The following PECAM1 variants were observed in gnomAD, a reference collection of about 807,000 sequenced individuals.
The protein encoded by PECAM1 is platelet endothelial cell adhesion molecule.
A neutral mutation model predicts 13.8 loss-of-function variants in PECAM1; 8 were observed. That is an observed-to-expected ratio of 0.58 (90% CI 0.34 to 1.05). PECAM1 has a LOEUF of 1.05. Among genes scored for constraint, PECAM1 ranks in the 50% least tolerant of loss-of-function variants. The pLI, the probability that PECAM1 is intolerant of heterozygous loss-of-function variation, is 0.03. For missense variants in PECAM1, 304 were observed against 141.2 expected (o/e 2.15, Z -5.84); for synonymous variants, 136 against 52.6 (o/e 2.58, Z -6.86).
At chr17:64,342,631 T>G (rs2143737713) in intron 13 of PECAM1, among the ~76,000 whole-genome samples, 1 of 152,116 alleles carries the variant, frequency 6.6e-6, no homozygotes, top group South Asian at 2.1e-4. Flanking sequence ...TAGGATCTCC[T>G]CAGGGGCCCT....
intron 14 of PECAM1, among the ~76,000 whole-genome samples, chr17:64,339,947 C>T (rs2035382645): frequency 6.6e-6 from 1 of 152,050 alleles, no homozygotes. Context: ...CTCAGGAATT[C>T]AAGACCAGTC....
At chr17:64,327,797 T>C (rs1363925542) in intron 15 of PECAM1, among the ~76,000 whole-genome samples, 1 of 152,224 alleles carries the variant, frequency 6.6e-6, no homozygotes, top group Non-Finnish European at 1.5e-5. Context: ...ATTGTTAAGA[T>C]ATTTCCTCCA....
intron 13 of PECAM1, among the ~76,000 whole-genome samples, chr17:64,347,877 TGC>T (rs2035619132): frequency 6.6e-6 from 1 of 151,142 alleles, no homozygotes; most frequent in Non-Finnish European, 1.5e-5. Flanking sequence ...ATTACAGGTG[TGC>T]GCCACCAGAG....
At position 64,377,570 on chromosome 17, in the gene PECAM1, C is replaced by T. The variant is rs1415163659; in HGVS notation, c.385+254G>A. Reference sequence around the variant, plus strand: ...AGGTTGCAGTGAGCCGAGATCACACCACTGCACTCCAGACTGGGTGACAGA... The same window carrying T: ...AGGTTGCAGTGAGCCGAGATCACACTACTGCACTCCAGACTGGGTGACAGA... On this transcript the variant is annotated intron_variant, in intron 3 of 15. Transcript: ENST00000563924. 5 of 156,268 alleles carry T rather than the reference C, an allele frequency of 3.2e-5. No homozygotes were observed. In the East Asian group the frequency reaches 6.4e-4, roughly 20 times the overall value. The allele number at this position is 156,268 out of a possible 1,614,324, so 9.7% of individuals were successfully genotyped here. A position where few individuals can be genotyped will look rare whatever the true frequency, so the allele number is the denominator to read the frequency against.
At chr17:64,341,734 C>T (rs1031321495) in intron 13 of PECAM1, 44 bp from the exon 14 acceptor site, 6 of 416,552 alleles carry the variant, frequency 1.4e-5, no homozygotes, top group African/African-American at 4.1e-5. Context: ...CCTCTGGGAA[C>T]GAGGTCAGTC....
chr17:64,354,017 G>A (rs1363984320), intron 9 of PECAM1, among the ~76,000 whole-genome samples: 1 of 148,300 alleles, frequency 6.7e-6, no homozygotes, highest in Non-Finnish European at 1.5e-5. Context: ...TGGGCTCACT[G>A]TAACCTCTGC....
intron 3 of PECAM1, among the ~76,000 whole-genome samples, chr17:64,376,475 T>C (rs2036361954): frequency 6.6e-6 from 1 of 152,242 alleles, no homozygotes; most frequent in Admixed American, 6.5e-5. Context: ...TCAGTGTCAC[T>C]GTGATTGTTG....
At chr17:64,329,754 A>C (rs782222583) in intron 14 of PECAM1, 32 bp from the exon 15 acceptor site, 9 of 761,706 alleles carry the variant, frequency 1.2e-5, no homozygotes, top group Non-Finnish European at 2.2e-5. Flanking sequence ...GGCAGTGAGC[A>C]ACGCAAATAA....
At position 64,323,236 on chromosome 17, in the gene PECAM1, C is replaced by G; in HGVS notation, c.*580G>C. The G allele has an allele frequency of 1.0e-6, 1 of 990,892 alleles. No individual in the cohort carries two copies. The highest frequency in any genetic ancestry group is 1.2e-6 in the Non-Finnish European group (1 of 833,318). The allele number at this position is 990,892 out of a possible 1,614,324, so 61.4% of individuals were successfully genotyped here. ...GAACGGTGTCTTCAGGTTGGTATTT[C>G]ACAGGCGGTGCTCCCAAGTAGTCTG... On this transcript the variant is annotated 3_prime_UTR_variant, in exon 16 of 16. Transcript: ENST00000563924.
At chr17:64,365,900 G>T in intron 5 of PECAM1, among the ~76,000 whole-genome samples, 1 of 150,042 alleles carries the variant, frequency 6.7e-6, no homozygotes, top group Non-Finnish European at 1.5e-5. Context: ...TACCATTCAG[G>T]ACATAGGCAT....
chr17:64,358,205 G>A (rs1429124799), intron 7 of PECAM1, among the ~76,000 whole-genome samples: 3 of 132,910 alleles, frequency 2.3e-5, no homozygotes, highest in Non-Finnish European at 4.6e-5. Context: ...TGCAACCTCT[G>A]CCTCCTGGAT....
At chr17:64,352,604 T>G (rs1419416874) in intron 10 of PECAM1, 141 bp from the exon 11 acceptor site, 1 of 388,098 alleles carries the variant, frequency 2.6e-6, no homozygotes, top group Middle Eastern at 6.5e-4. Flanking sequence ...AAAACTTTAC[T>G]CTCTCATTTG....
chr17:64,351,973 A>G (rs2035734343), intron 11 of PECAM1, among the ~76,000 whole-genome samples: 1 of 152,174 alleles, frequency 6.6e-6, no homozygotes, highest in Admixed American at 6.5e-5. Context: ...GAATATTGAA[A>G]TTGCATTCCC....
chr17:64,324,618 C>A (rs1250196910), intron 15 of PECAM1, among the ~76,000 whole-genome samples: 3 of 152,106 alleles, frequency 2.0e-5, no homozygotes, highest in Admixed American at 2.0e-4. Flanking sequence ...CCGTTTGAGG[C>A]CTGTTTTTTA....
chr17:64,351,403 A>T (rs1365297202), intron 11 of PECAM1, among the ~76,000 whole-genome samples: 1 of 152,214 alleles, frequency 6.6e-6, no homozygotes, highest in Non-Finnish European at 1.5e-5. Context: ...AAAGAACATG[A>T]GCATTCTATG....
chr17:64,368,469 C>G (rs1475664389), intron 5 of PECAM1, among the ~76,000 whole-genome samples: 9 of 152,092 alleles, frequency 5.9e-5, no homozygotes, highest in Non-Finnish European at 1.2e-4. Context: ...CGTTGAGTTA[C>G]TAACCTCACA....
intron 2 of PECAM1, among the ~76,000 whole-genome samples, chr17:64,387,667 C>G (rs1389651530): frequency 1.3e-5 from 2 of 152,084 alleles, no homozygotes; most frequent in Non-Finnish European, 2.9e-5. Context: ...GGAGGGAAAC[C>G]GAGAGGATGG....
At position 64,321,175 on chromosome 17, in the gene PECAM1, G is replaced by A. The variant is rs1178536935; in HGVS notation, c.*2641C>T. The A allele has an allele frequency of 6.6e-6, 1 of 152,226 alleles. No individual in the cohort carries two copies. Among genetic ancestry groups the A allele is most frequent in the Non-Finnish European group, 1.5e-5 (1 of 68,096 alleles). The allele number at this position is 152,226 out of a possible 1,614,324, so 9.4% of individuals were successfully genotyped here. A position where few individuals can be genotyped will look rare whatever the true frequency, so the allele number is the denominator to read the frequency against. Reference sequence around the variant, plus strand: ...GGTCAGAAGAGGGAAAAGTTTTACTGTGTGTTGGCTAAGGACCATTTTAAG... The same window carrying A: ...GGTCAGAAGAGGGAAAAGTTTTACTATGTGTTGGCTAAGGACCATTTTAAG... On this transcript the variant is annotated 3_prime_UTR_variant, in exon 16 of 16. Transcript: ENST00000563924.
At chr17:64,347,463 G>C (rs1275761375) in intron 13 of PECAM1, among the ~76,000 whole-genome samples, 5 of 149,802 alleles carry the variant, frequency 3.3e-5, no homozygotes, top group Non-Finnish European at 5.9e-5. Flanking sequence ...CCCGGAGGCA[G>C]AGGTTGCAGT....
Sources: gnomAD v4.1 joint callset for allele counts (sites outside exome capture counted in the v4.1 genomes callset) on GRCh38, gnomAD v4.1.1 for gene constraint, MANE v1.5 for transcripts, NCBI Gene and HGNC (gene_info 2026-07-23, HGNC 2026-07-21) for gene names.